Variants in RIC3 observed in about 807,000 individuals in gnomAD.
The protein encoded by RIC3 is RIC3 acetylcholine receptor chaperone.
In RIC3, 28 loss-of-function variants were observed where a neutral mutation model predicts 27.3. The ratio of observed to expected loss-of-function variants is 1.02; its 90% CI spans 0.76 to 1.41. RIC3 has a LOEUF of 1.41. Ranked by LOEUF, RIC3 falls within the 40% of genes most tolerant of loss-of-function variation. The pLI, the probability that RIC3 is intolerant of heterozygous loss-of-function variation, is 0.00. For synonymous variants in RIC3, 184 were observed against 160.4 expected (o/e 1.15, Z -1.11); for missense variants, 501 against 444.7 (o/e 1.13, Z -1.14).
downstream of RIC3, chr11:8,104,413 T>C (rs1275468396): frequency 6.6e-6 from 1 of 152,328 alleles, no homozygotes; most frequent in Non-Finnish European, 1.5e-5. Context: ...CAAGGTGCTC[T>C]GTGTCCGTCT....
At position 8,124,253 on chromosome 11, in the gene RIC3, C is replaced by T. The variant is rs572064660; in HGVS notation, c.670+2406G>A. On this transcript the variant is annotated intron_variant, in intron 5 of 5. Transcript: ENST00000309737. ...ATAGAAAAAGGAACACATCCCAATG[C>T]ATTTTATGAGGCCAGGATTACCCTG... is the stretch of plus-strand genomic sequence containing the variant. Among the ~76,000 whole-genome samples the T allele has an allele frequency of 3.3e-5, 5 of 152,162 alleles. No homozygotes were observed. In the South Asian group the frequency reaches 1.0e-3, roughly 32 times the overall value.
intron 4 of RIC3, among the ~76,000 whole-genome samples, chr11:8,129,273 C>T (rs1364188931): frequency 6.6e-6 from 1 of 151,996 alleles, no homozygotes; most frequent in Non-Finnish European, 1.5e-5. Flanking sequence ...AAACAATTTT[C>T]CCAAGGCTCA....
intron 1 of RIC3, among the ~76,000 whole-genome samples, chr11:8,164,190 G>T (rs1453928857): frequency 6.6e-6 from 1 of 151,894 alleles, no homozygotes; most frequent in Non-Finnish European, 1.5e-5. Flanking sequence ...TAATTCAAAG[G>T]GATCAAAGAC....
rs1944637596 is a variant in RIC3 at position 8,106,280 on chromosome 11, C to T, written c.*4418G>A. The T allele has an allele frequency of 6.6e-6, 1 of 152,122 alleles. No homozygotes were observed. The highest frequency in any genetic ancestry group is 2.4e-5 in the African/African-American group (1 of 41,426). 9.4% of individuals were successfully genotyped at this position (152,122 alleles called of 1,614,324 possible). A position where few individuals can be genotyped will look rare whatever the true frequency, so the allele number is the denominator to read the frequency against. Reference sequence around the variant, plus strand: ...TTTTTTCATAAAGGGGAAAAAAGCCCTGTTTACTTCCTAATTTTTTTCTAT... The same window carrying T: ...TTTTTTCATAAAGGGGAAAAAAGCCTTGTTTACTTCCTAATTTTTTTCTAT... On this transcript the variant is annotated 3_prime_UTR_variant, in exon 6 of 6. Coordinates refer to ENST00000309737, the MANE Select transcript of RIC3 (RefSeq NM_001206671.4).
the RIC3 span, chr11:8,100,868 G>A: frequency 3.1e-6 from 5 of 1,614,086 alleles, no homozygotes; most frequent in Non-Finnish European, 4.2e-6. Flanking sequence ...TAAGAACACG[G>A]AGAGTATCAT....
In RIC3 at chr11:8,110,692, C is replaced by T; in HGVS notation, c.*6G>A. ...TTGAGTAATGGATACTTCAGACTGGCTGTTTTCACTCTAAACCCTGGGGGT... is the reference window on the plus strand; with the variant it reads ...TTGAGTAATGGATACTTCAGACTGGTTGTTTTCACTCTAAACCCTGGGGGT... On this transcript the variant is annotated 3_prime_UTR_variant, in exon 6 of 6. Coordinates refer to ENST00000309737, the MANE Select transcript of RIC3 (RefSeq NM_001206671.4). 2 of 1,613,662 alleles carry T rather than the reference C, an allele frequency of 1.2e-6. No homozygotes were observed. Among genetic ancestry groups the T allele is most frequent in the Non-Finnish European group, 1.7e-6 (2 of 1,179,560 alleles).
At chr11:8,166,764 C>G (rs892543625) in intron 1 of RIC3, among the ~76,000 whole-genome samples, 5 of 151,976 alleles carry the variant, frequency 3.3e-5, no homozygotes, top group African/African-American at 1.2e-4. Context: ...TGCCTGTAGT[C>G]CCAGTTACTT....
intron 4 of RIC3, among the ~76,000 whole-genome samples, chr11:8,133,692 G>C (rs1349367401): frequency 6.6e-6 from 1 of 152,184 alleles, no homozygotes; most frequent in African/African-American, 2.4e-5. Context: ...TACAACTCCA[G>C]ATGTAGTACA....
At chr11:8,100,508 A>G in the RIC3 span, 4 of 1,614,056 alleles carry the variant, frequency 2.5e-6, no homozygotes, top group Non-Finnish European at 3.4e-6. Flanking sequence ...CCCAGGAGAC[A>G]AACGTCTTAG....
At chr11:8,101,975 C>A, downstream of RIC3, 1 of 270,382 alleles carries the variant, frequency 3.7e-6, no homozygotes, top group Non-Finnish European at 7.1e-6. Context: ...AGAGGAAGCA[C>A]ACTGCAGGGC....
intron 1 of RIC3, among the ~76,000 whole-genome samples, chr11:8,148,257 C>T (rs911551351): frequency 6.9e-6 from 1 of 144,808 alleles, no homozygotes; most frequent in Non-Finnish European, 1.5e-5. Context: ...CAGCTTTAGA[C>T]AGTAAAAGGA....
rs749107651 is a variant in RIC3, at chr11:8,110,865, C to G, written c.943G>C (p.Val315Leu). The change falls in exon 6 of 6, where the codon GTC becomes CTC. Residue 315 changes from valine to leucine, a missense_variant. By Grantham distance (32) the Val-to-Leu change is conservative (BLOSUM62 1). Coordinates refer to ENST00000309737, the MANE Select transcript of RIC3 (RefSeq NM_001206671.4). Reference protein sequence around the residue: ...CCFHEDEDPAVLAENAGFSAD... With the variant: ...CCFHEDEDPALLAENAGFSAD... ...CTGAATCCAGCATTCTCTGCCAAGACAGCAGGATCCTCGTCTTCATGAAAA... is the reference window on the plus strand; with the variant it reads ...CTGAATCCAGCATTCTCTGCCAAGAGAGCAGGATCCTCGTCTTCATGAAAA... 1 of 1,614,242 alleles carries G rather than the reference C, an allele frequency of 6.2e-7. No individual in the cohort carries two copies. Among genetic ancestry groups the G allele is most frequent in the Admixed American group, 1.7e-5 (1 of 60,024 alleles).
At chr11:8,134,090 C>T (rs1948073933) in intron 4 of RIC3, among the ~76,000 whole-genome samples, 1 of 151,976 alleles carries the variant, frequency 6.6e-6, no homozygotes, top group Non-Finnish European at 1.5e-5. Context: ...TGGTGTGCTG[C>T]ACCCATCAAC....
chr11:8,113,783 C>T (rs753234404), intron 5 of RIC3, among the ~76,000 whole-genome samples: 1 of 152,130 alleles, frequency 6.6e-6, no homozygotes, highest in Non-Finnish European at 1.5e-5. Context: ...CCAAGCCAGC[C>T]CTAATGAACC....
At chr11:8,100,758 A>C in the RIC3 span, 2 of 1,592,510 alleles carry the variant, frequency 1.3e-6, no homozygotes, top group Non-Finnish European at 1.7e-6. Context: ...TTCCCGGGAT[A>C]GATCCCTTTC....
intron 5 of RIC3, among the ~76,000 whole-genome samples, chr11:8,115,069 T>C (rs56151106): frequency 0.064 from 9,748 of 152,172 alleles, 370 homozygotes; most frequent in South Asian, 0.11. Context: ...TGGGGAAAGT[T>C]ATAAATATCT....
In RIC3 at chr11:8,108,766, C is replaced by G. The variant is rs1306333805; in HGVS notation, c.*1932G>C. The G allele has an allele frequency of 6.6e-6, 1 of 152,162 alleles. No individual in the cohort carries two copies. Among genetic ancestry groups the G allele is most frequent in the Non-Finnish European group, 1.5e-5 (1 of 68,058 alleles). 9.4% of individuals were successfully genotyped at this position (152,162 alleles called of 1,614,324 possible). ...GAGATTGAGCCTCTGTTCCTAGCAC[C>G]TGGCACTGAGCAATTGACTGCTAAA... On this transcript the variant is annotated 3_prime_UTR_variant, in exon 6 of 6. Transcript: ENST00000309737.
the RIC3 span, chr11:8,094,196 T>C: frequency 1.9e-6 from 3 of 1,608,410 alleles, no homozygotes; most frequent in Admixed American, 1.7e-5. Flanking sequence ...AAAGGTCAGC[T>C]CACATTCTCT....
intron 4 of RIC3, among the ~76,000 whole-genome samples, chr11:8,127,494 G>A (rs961810618): frequency 6.6e-6 from 1 of 152,210 alleles, no homozygotes; most frequent in Non-Finnish European, 1.5e-5. Flanking sequence ...CAGTGCTCAA[G>A]TTCCACATTT....
Sources: allele counts gnomAD v4.1 joint callset (sites outside exome capture counted in the v4.1 genomes callset), GRCh38; gene constraint gnomAD v4.1.1; transcripts MANE v1.5; gene names NCBI Gene and HGNC (gene_info 2026-07-23, HGNC 2026-07-21).